The following GRAMD4 variants were observed in gnomAD, a reference collection of about 807,000 sequenced individuals.
GRAMD4 encodes the protein GRAM domain containing 4, also known as GRAM domain-containing protein 4.
In GRAMD4, 25 loss-of-function variants were observed where a neutral mutation model predicts 83.9. The observed-to-expected ratio is 0.30, with a 90% CI of 0.22 to 0.42. The LOEUF (loss-of-function observed/expected upper bound fraction) is 0.42. Among genes scored for constraint, GRAMD4 ranks in the 10% least tolerant of loss-of-function variants. The pLI is 1.00. For missense variants in GRAMD4, 593 were observed against 788.7 expected, an observed-to-expected ratio of 0.75 and a Z score of 2.97; for synonymous variants, 336 against 320.9, an observed-to-expected ratio of 1.05 and a Z score of -0.50.
chr22:46,643,572 A>G (rs147549212), intron 3 of GRAMD4, among the ~76,000 whole-genome samples: 10 of 152,354 alleles, frequency 6.6e-5, no homozygotes, highest in African/African-American at 2.4e-4. Flanking sequence ...ATTGTCTAGT[A>G]ATGTCCTTTG....
chr22:46,675,180 T>TCAGAGCAGTGGCTGTGAATGTCTTATG (rs2082576791), intron 16 of GRAMD4, among the ~76,000 whole-genome samples: 5 of 150,044 alleles, frequency 3.3e-5, no homozygotes, highest in Non-Finnish European at 4.5e-5. Flanking sequence ...AGTGTCTCAC[T>TCAGAGCAGTGGCTGTGAATGTCTTATG]CAGAGCAGTG....
chr22:46,608,442 G>A (rs1427424658), intron 1 of GRAMD4, among the ~76,000 whole-genome samples: 1 of 152,222 alleles, frequency 6.6e-6, no homozygotes, highest in African/African-American at 2.4e-5. Context: ...ACTTTGGGAG[G>A]CCGAGGCAGG....
At chr22:46,580,416 A>G (rs1653549695) in intron 1 of GRAMD4, among the ~76,000 whole-genome samples, 1 of 152,220 alleles carries the variant, frequency 6.6e-6, no homozygotes, top group South Asian at 2.1e-4. Flanking sequence ...GGTCCTGAAA[A>G]ATACTGCTTG....
At chr22:46,618,793 C>CCCGTCTGGA (rs1396266944), upstream of GRAMD4, among the ~76,000 whole-genome samples, 1 of 152,134 alleles carries the variant, frequency 6.6e-6, no homozygotes, top group African/African-American at 2.4e-5. This position sits in a 1 kb window ranked among gnomAD's most constrained non-coding sequence, Gnocchi z 5.8. Flanking sequence ...GGCGTGCGGC[C>CCCGTCTGGA]GGCGTGCGCT....
intron 1 of GRAMD4, among the ~76,000 whole-genome samples, chr22:46,623,638 C>T (rs1003698962): frequency 3.3e-5 from 5 of 151,932 alleles, no homozygotes; most frequent in African/African-American, 7.3e-5. Flanking sequence ...CCTCGTGATC[C>T]GCCCGCCCCG....
chr22:46,673,653 C>G lies in GRAMD4; in HGVS notation c.1240-17C>G. ...GTGGGCAGCGGGCCTGACCTCGACG[C>G]TGTTTGCCGTTGGCAGCTGCAGACG... is the stretch of plus-strand genomic sequence containing the variant. On this transcript the variant is annotated splice_polypyrimidine_tract_variant and intron_variant, in intron 14 of 18. Transcript: ENST00000406902. 6.2e-7 allele frequency: 1 copy of G among 1,608,046 alleles called. No individual in the cohort carries two copies.
chr22:46,615,743 C>G (rs1285195052), upstream of GRAMD4, among the ~76,000 whole-genome samples: 2 of 40,260 alleles, frequency 5.0e-5, no homozygotes, highest in Non-Finnish European at 5.2e-5. Context: ...TGTAGGTTCC[C>G]CTGTGCGTGT....
intron 2 of GRAMD4, among the ~76,000 whole-genome samples, chr22:46,631,401 C>T (rs1289765281): frequency 2.7e-5 from 4 of 149,534 alleles, no homozygotes; most frequent in Non-Finnish European, 4.4e-5. Context: ...TCCTGGGGAC[C>T]GGGGATGGGT....
upstream of GRAMD4, among the ~76,000 whole-genome samples, chr22:46,620,040 C>T (rs2081551561): frequency 6.6e-6 from 1 of 152,100 alleles, no homozygotes; most frequent in South Asian, 2.1e-4. The surrounding 1 kb of genome is among the most constrained non-coding windows in gnomAD (Gnocchi z 4.7). Flanking sequence ...GGACCCAGAA[C>T]TCGGAGAGGA....
chr22:46,665,270 G>A (rs931018408), intron 8 of GRAMD4, among the ~76,000 whole-genome samples: 6 of 152,364 alleles, frequency 3.9e-5, no homozygotes, highest in African/African-American at 1.4e-4. Context: ...AGCAGTGCTT[G>A]CCTGCCTCGC....
chr22:46,599,021 C>T (rs145426936), intron 1 of GRAMD4, among the ~76,000 whole-genome samples: 56 of 152,184 alleles, frequency 3.7e-4, no homozygotes, highest in African/African-American at 1.2e-3. Context: ...GCAGCACCCC[C>T]GGAGGAGGAT....
At chr22:46,646,902 A>T (rs750428010) in intron 3 of GRAMD4, among the ~76,000 whole-genome samples, 14 of 152,194 alleles carry the variant, frequency 9.2e-5, no homozygotes, top group Non-Finnish European at 1.8e-4. Flanking sequence ...ATCTTACCAG[A>T]TAGCAGCAGG....
At chr22:46,587,294 C>T (rs1368708272) in intron 1 of GRAMD4, among the ~76,000 whole-genome samples, 2 of 152,114 alleles carry the variant, frequency 1.3e-5, no homozygotes, top group Non-Finnish European at 2.9e-5. Flanking sequence ...TGGACCCCAG[C>T]AAGGTGTGTG....
intron 3 of GRAMD4, 30 bp from the exon 4 acceptor site, chr22:46,658,157 A>G: frequency 6.2e-7 from 1 of 1,612,950 alleles, no homozygotes; most frequent in Non-Finnish European, 8.5e-7. Context: ...GACATGAGCG[A>G]TGGTCACCTG....
chr22:46,629,173 G>A lies in GRAMD4; in HGVS notation c.162+2212G>A, dbSNP rs112295182. Among the ~76,000 whole-genome samples the A allele has an allele frequency of 5.1e-3, 783 of 152,202 alleles. 4 individuals carry two copies. Among genetic ancestry groups the A allele is most frequent in the African/African-American group, 0.018 (748 of 41,506 alleles). ...GTGGGTGAGCAGGGCCCCGCTTGGG[G>A]CATCGTGCTGAATGCAGGTCAGGCA... On this transcript the variant is annotated intron_variant, in intron 2 of 18. Coordinates refer to ENST00000406902, the MANE Select transcript of GRAMD4 (RefSeq NM_015124.5).
At chr22:46,646,700 C>A (rs1270320916) in intron 3 of GRAMD4, among the ~76,000 whole-genome samples, 1 of 152,158 alleles carries the variant, frequency 6.6e-6, no homozygotes, top group Admixed American at 6.5e-5. Flanking sequence ...TTGGCTCAGG[C>A]CTTTTAAACT....
chr22:46,626,922 G>A lies in GRAMD4; in HGVS notation c.123G>A (p.Pro41=), dbSNP rs566223777. 1.8e-5 allele frequency: 29 copies of A among 1,613,980 alleles called. No individual in the cohort carries two copies. Among genetic ancestry groups the A allele is most frequent in the Admixed American group, 3.3e-5 (2 of 59,988 alleles). Residue 41 remains proline, a synonymous_variant, in exon 2 of 19, where the codon CCG becomes CCA. Transcript: ENST00000406902. The stretch of plus-strand genomic sequence containing the variant: ...GCGACGAAATCCCCCTGAAGGTACC[G>A]CGGACCTCGCCCCGGGACAGCGAGG... ...ECSDEIPLKV[P]RTSPRDSEEL... is the part of the protein sequence containing the mutation.
intron 1 of GRAMD4, among the ~76,000 whole-genome samples, chr22:46,578,866 T>TC (rs113694562): frequency 0.042 from 6,452 of 152,260 alleles, 476 homozygotes; most frequent in African/African-American, 0.15. Context: ...CACTTTGTGG[T>TC]CCCGGGGCAG....
At chr22:46,603,247 G>C in intron 1 of GRAMD4, among the ~76,000 whole-genome samples, 1 of 118,130 alleles carries the variant, frequency 8.5e-6, no homozygotes, top group Non-Finnish European at 1.6e-5. Flanking sequence ...TCGCTGTGTT[G>C]CCCAGGCTGG....
Sources: allele counts gnomAD v4.1 joint callset (sites outside exome capture counted in the v4.1 genomes callset), GRCh38; gene constraint gnomAD v4.1.1; non-coding constraint Gnocchi (gnomAD v3.1); transcripts MANE v1.5; gene names NCBI Gene and HGNC (gene_info 2026-07-23, HGNC 2026-07-21).